Variants in WDHD1 observed in about 807,000 individuals in gnomAD.
WDHD1 encodes the protein WD repeat and HMG-box DNA-binding protein 1.
Under a neutral mutation model 135.4 loss-of-function variants are expected in WDHD1, and 111 were observed. That is an observed-to-expected ratio of 0.82 (90% CI 0.70 to 0.96). The LOEUF is 0.96. WDHD1 is among the 40% of genes least tolerant of loss of function. The pLI is 0.00. For synonymous variants in WDHD1, 434 were observed against 439.0 expected (o/e 0.99, Z 0.14); for missense variants, 1,351 against 1,336.3 (o/e 1.01, Z -0.17).
chr14:54,958,352 C>A (rs1295739270), intron 21 of WDHD1, among the ~76,000 whole-genome samples: 1 of 152,132 alleles, frequency 6.6e-6, no homozygotes, highest in Admixed American at 6.5e-5. Flanking sequence ...GTCTTGAACT[C>A]CTGACCTCAG....
At chr14:55,025,135 TGCGGGCAGCAATACTGCTTTGTAAAGC>T (rs1417476455) in intron 2 of WDHD1, among the ~76,000 whole-genome samples, 3 of 126,336 alleles carry the variant, frequency 2.4e-5, no homozygotes, top group African/African-American at 8.4e-5. Flanking sequence ...AGGTGGGACC[TGCGGGCAGCAATACTGCTTTGTAAAGC>T]ATTGAGATGT....
chr14:54,967,628 T>G (rs2041366318), intron 16 of WDHD1, among the ~76,000 whole-genome samples: 1 of 152,148 alleles, frequency 6.6e-6, no homozygotes, highest in Non-Finnish European at 1.5e-5. Flanking sequence ...CTCACTTGAT[T>G]TATTTTTTTT....
At position 54,989,165 on chromosome 14, in the gene WDHD1, G is replaced by C; in HGVS notation, c.1389C>G (p.Asp463Glu). ...CATGGAACTCCACATCTATGGCATT[G>C]TCTTGCTCATCATTATAGCAGCGAA... ...GIIRCYNDEQ[D>E]NAIDVEFHDT... is the part of the protein sequence containing the mutation. Residue 463 changes from aspartate to glutamate, a missense_variant, in exon 13 of 26, where the codon GAC (aspartate) becomes GAG (glutamate). Around this residue, in one of 2 missense-constraint regions of WDHD1, gnomAD observed 1,330 missense variants for 1,296.1 expected, o/e 1.03. Transcript: ENST00000360586. The C allele has an allele frequency of 3.1e-6, 5 of 1,613,622 alleles. 1 individual carries two copies. The highest frequency in any genetic ancestry group is 8.5e-7 in the Non-Finnish European group (1 of 1,179,754).
intron 15 of WDHD1, among the ~76,000 whole-genome samples, chr14:54,983,217 T>G (rs2041645946): frequency 6.6e-6 from 1 of 151,988 alleles, no homozygotes; most frequent in South Asian, 2.1e-4. Context: ...CTCCTCAGTG[T>G]CTTTCAAATC....
intron 21 of WDHD1, among the ~76,000 whole-genome samples, chr14:54,961,839 CCTT>C: frequency 6.7e-6 from 1 of 149,908 alleles, no homozygotes; most frequent in Middle Eastern, 3.4e-3. Context: ...ATTTTCAACT[CCTT>C]TTTTTTTTTT....
In WDHD1 at chr14:54,982,252, A is replaced by G. The variant is rs996409176; in HGVS notation, c.1907-556T>C. ...TCTCAATCTCCTGACCTTGTGATCC[A>G]CCCGCCTCAGCCTCCCAAAGTGCTG... On this transcript the variant is annotated intron_variant, in intron 15 of 25. Coordinates refer to ENST00000360586, the MANE Select transcript of WDHD1 (RefSeq NM_007086.4). Among the ~76,000 whole-genome samples, 5 of 151,554 alleles carry G rather than the reference A, an allele frequency of 3.3e-5. No homozygotes were observed. The East Asian group carries it at 9.7e-4, about 30-fold the overall frequency.
intron 6 of WDHD1, among the ~76,000 whole-genome samples, chr14:55,007,880 C>T (rs17128120): frequency 0.43 from 64,954 of 151,918 alleles, 15,700 homozygotes; most frequent in African/African-American, 0.66. Flanking sequence ...GTTCCCTCTG[C>T]CAATCTGGAG....
chr14:54,961,101 G>A (rs945245292), intron 21 of WDHD1, among the ~76,000 whole-genome samples: 3 of 152,092 alleles, frequency 2.0e-5, no homozygotes, highest in Non-Finnish European at 4.4e-5. Flanking sequence ...CATCACACCT[G>A]GCCAGTAGTC....
chr14:54,959,225 C>CA, intron 21 of WDHD1, among the ~76,000 whole-genome samples: 1 of 151,784 alleles, frequency 6.6e-6, no homozygotes, highest in Non-Finnish European at 1.5e-5. Context: ...AACAACAAAA[C>CA]AAAAAACCCA....
At chr14:54,969,884 G>T (rs1595078775) in intron 16 of WDHD1, among the ~76,000 whole-genome samples, 1 of 152,274 alleles carries the variant, frequency 6.6e-6, no homozygotes, top group African/African-American at 2.4e-5. Flanking sequence ...GGGATGTAAG[G>T]TTGGTTCAAC....
Position 55,012,481 on chromosome 14 carries a change from A to G in WDHD1, c.189+1004T>C, listed in dbSNP as rs1166981206. Reference sequence around the variant, plus strand: ...TATTTGCGTTACACAAAACATCAGAAACACATATGAATATATATTGGGAAA... The same window carrying G: ...TATTTGCGTTACACAAAACATCAGAGACACATATGAATATATATTGGGAAA... On this transcript the variant is annotated intron_variant, in intron 3 of 25. Coordinates refer to ENST00000360586, the MANE Select transcript of WDHD1 (RefSeq NM_007086.4). Among the ~76,000 whole-genome samples the G allele has an allele frequency of 2.0e-5, 3 of 152,350 alleles. No individual in the cohort carries two copies. In the East Asian group the frequency reaches 5.8e-4, roughly 29 times the overall value.
chr14:55,020,625 T>C (rs564567908), intron 2 of WDHD1, among the ~76,000 whole-genome samples: 158 of 152,274 alleles, frequency 1.0e-3, no homozygotes, highest in Non-Finnish European at 2.0e-3. Flanking sequence ...CTCACATTTA[T>C]ATTCTTAGCC....
At chr14:55,014,731 A>T (rs532090478) in intron 2 of WDHD1, among the ~76,000 whole-genome samples, 2 of 152,306 alleles carry the variant, frequency 1.3e-5, no homozygotes, top group South Asian at 4.1e-4. Context: ...AATAACATAT[A>T]ATAAACAGCA....
Position 55,008,592 on chromosome 14 carries a change from A to C in WDHD1, c.453+16T>G. 6.4e-7 allele frequency: 1 copy of C among 1,571,556 alleles called. No individual in the cohort carries two copies. Among genetic ancestry groups the C allele is most frequent in the Non-Finnish European group, 8.6e-7 (1 of 1,162,958 alleles). Reference sequence around the variant, plus strand: ...TATTCAGGAAAAACACAAAAAGAGAAGGAAAAAATAATTACCAGAAAGATG... The same window carrying C: ...TATTCAGGAAAAACACAAAAAGAGACGGAAAAAATAATTACCAGAAAGATG... On this transcript the variant is annotated intron_variant, in intron 5 of 25. Coordinates refer to ENST00000360586, the MANE Select transcript of WDHD1 (RefSeq NM_007086.4).
chr14:55,008,588 G>A lies in WDHD1; in HGVS notation c.453+20C>T. The A allele has an allele frequency of 6.4e-7, 1 of 1,568,484 alleles. No individual in the cohort carries two copies. Among genetic ancestry groups the A allele is most frequent in the African/African-American group, 1.4e-5 (1 of 72,466 alleles). On this transcript the variant is annotated intron_variant, in intron 5 of 25. Transcript: ENST00000360586. ...AACATATTCAGGAAAAACACAAAAA[G>A]AGAAGGAAAAAATAATTACCAGAAA... is the stretch of plus-strand genomic sequence containing the variant.
At chr14:54,967,138 C>T in intron 17 of WDHD1, 142 bp downstream of exon 17, 1 of 634,412 alleles carries the variant, frequency 1.6e-6, no homozygotes, top group Non-Finnish European at 2.6e-6. Context: ...CCCAAGCAGT[C>T]CTCTTCCCTC....
intron 16 of WDHD1, among the ~76,000 whole-genome samples, chr14:54,973,709 A>G (rs978249591): frequency 1.3e-5 from 2 of 152,220 alleles, no homozygotes; most frequent in Non-Finnish European, 2.9e-5. Context: ...GTACATTAAC[A>G]AAATTAGAAG....
In WDHD1 at chr14:55,000,470, T is replaced by C. The variant is rs1378263082; in HGVS notation, c.942+33A>G. 5.2e-6 allele frequency: 8 copies of C among 1,536,202 alleles called. No individual in the cohort carries two copies. The African/African-American group carries it at 9.8e-5, about 19-fold the overall frequency. ...AAATCCATATGATCACAGAAACATT[T>C]TGAAGAAACTGTTGTACCATACTCC... On this transcript the variant is annotated intron_variant, in intron 10 of 25. Coordinates refer to ENST00000360586, the MANE Select transcript of WDHD1 (RefSeq NM_007086.4).
intron 4 of WDHD1, among the ~76,000 whole-genome samples, chr14:55,009,875 C>A (rs2042137714): frequency 6.6e-6 from 1 of 152,092 alleles, no homozygotes; most frequent in Non-Finnish European, 1.5e-5. Flanking sequence ...GGCTGGAATG[C>A]AGTGGCACCA....
Sources: allele counts gnomAD v4.1 joint callset (sites outside exome capture counted in the v4.1 genomes callset), GRCh38; gene constraint gnomAD v4.1.1; regional missense constraint gnomAD v4.1.1; transcripts MANE v1.5; gene names NCBI Gene and HGNC (gene_info 2026-07-23, HGNC 2026-07-21).